Variants in PRKCA observed in about 807,000 individuals in gnomAD.
The protein encoded by PRKCA is protein kinase C alpha type.
Under a neutral mutation model 87.0 loss-of-function variants are expected in PRKCA, and 27 were observed. That is an observed-to-expected ratio of 0.31 (90% CI 0.23 to 0.43). PRKCA has a LOEUF of 0.43. Among genes scored for constraint, PRKCA ranks in the 20% least tolerant of loss-of-function variants. The probability of loss-of-function intolerance (pLI) is 1.00; values close to 1 mark genes in which losing one functional copy is unlikely to be tolerated. For missense variants in PRKCA, 518 were observed against 852.3 expected (o/e 0.61, Z 4.88); for synonymous variants, 329 against 311.1 (o/e 1.06, Z -0.61).
intron 3 of PRKCA, among the ~76,000 whole-genome samples, chr17:66,503,048 T>G (rs1258592175): frequency 1.3e-5 from 2 of 152,224 alleles, no homozygotes; most frequent in Non-Finnish European, 2.9e-5. Context: ...AGCAACTGTT[T>G]ACACATAATC....
At chr17:66,693,454 C>T (rs1972832841) in intron 8 of PRKCA, among the ~76,000 whole-genome samples, 2 of 152,202 alleles carry the variant, frequency 1.3e-5, no homozygotes, top group Non-Finnish European at 2.9e-5. Context: ...TTGGAGCTTA[C>T]GTTCTGTATC....
At chr17:66,632,559 A>G (rs960941763) in intron 3 of PRKCA, among the ~76,000 whole-genome samples, 1 of 151,266 alleles carries the variant, frequency 6.6e-6, no homozygotes, top group Admixed American at 6.6e-5. Context: ...TTTTTTTTTT[A>G]AGTAGAGATG....
At chr17:66,443,290 T>C (rs1331186657) in intron 2 of PRKCA, among the ~76,000 whole-genome samples, 2 of 152,182 alleles carry the variant, frequency 1.3e-5, no homozygotes, top group Admixed American at 6.5e-5. Context: ...GCATTCTAAC[T>C]GGAGGCTAGA....
At chr17:66,490,574 G>A (rs933514080) in intron 2 of PRKCA, among the ~76,000 whole-genome samples, 5 of 151,434 alleles carry the variant, frequency 3.3e-5, no homozygotes, top group Non-Finnish European at 7.4e-5. Context: ...TCGATCTCCT[G>A]TTTTCTTTTT....
chr17:66,551,593 C>T (rs1360317866), intron 3 of PRKCA, among the ~76,000 whole-genome samples: 2 of 152,126 alleles, frequency 1.3e-5, no homozygotes, highest in Non-Finnish European at 2.9e-5. Context: ...ATCACTTTTG[C>T]TATATTCCAT....
At chr17:66,477,041 T>C (rs556102169) in intron 2 of PRKCA, among the ~76,000 whole-genome samples, 2 of 152,190 alleles carry the variant, frequency 1.3e-5, no homozygotes, top group South Asian at 2.1e-4. Context: ...AGCTGGAGAA[T>C]AGGGGTGTGC....
At chr17:66,582,114 T>C (rs1969459529) in intron 3 of PRKCA, among the ~76,000 whole-genome samples, 1 of 152,214 alleles carries the variant, frequency 6.6e-6, no homozygotes, top group Non-Finnish European at 1.5e-5. Context: ...TGACATCCTC[T>C]CTACTGAGGT....
chr17:66,324,271 T>C (rs1905845920), intron 2 of PRKCA, among the ~76,000 whole-genome samples: 1 of 151,956 alleles, frequency 6.6e-6, no homozygotes, highest in South Asian at 2.1e-4. Context: ...ACTAGATAAA[T>C]ATGACTTAGA....
intron 2 of PRKCA, among the ~76,000 whole-genome samples, chr17:66,409,398 T>C (rs1911641397): frequency 1.3e-5 from 2 of 152,168 alleles, no homozygotes; most frequent in African/African-American, 2.4e-5. Context: ...TCTGTTCCAT[T>C]GATGAATTAG....
chr17:66,306,884 T>A (rs1448566247), intron 2 of PRKCA, among the ~76,000 whole-genome samples: 1 of 152,204 alleles, frequency 6.6e-6, no homozygotes, highest in Admixed American at 6.5e-5. Flanking sequence ...CTGGCTCTCC[T>A]GCTCATTGTC....
intron 1 of PRKCA, among the ~76,000 whole-genome samples, chr17:66,304,532 G>T (rs1285408750): frequency 6.6e-6 from 1 of 152,160 alleles, no homozygotes; most frequent in Non-Finnish European, 1.5e-5. Context: ...GGCAGTCACG[G>T]AGTGAATCCT....
chr17:66,714,617 G>GGCA (rs1181861455), intron 8 of PRKCA, among the ~76,000 whole-genome samples: 1 of 152,202 alleles, frequency 6.6e-6, no homozygotes, highest in Admixed American at 6.5e-5. Context: ...TACTCAGAAT[G>GGCA]GCAGCAGCCA....
intron 3 of PRKCA, among the ~76,000 whole-genome samples, chr17:66,635,909 T>A (rs543512340): frequency 6.6e-6 from 1 of 152,290 alleles, no homozygotes; most frequent in East Asian, 1.9e-4. Flanking sequence ...CAGTCTGTAC[T>A]ATTTTTGCAA....
At chr17:66,533,555 A>G (rs527568174) in intron 3 of PRKCA, among the ~76,000 whole-genome samples, 1 of 152,310 alleles carries the variant, frequency 6.6e-6, no homozygotes, top group Admixed American at 6.5e-5. Flanking sequence ...CAAATGAGAA[A>G]CGTGGTAGGG....
At chr17:66,533,623 CTAAGGCTT>C (rs1209055618) in intron 3 of PRKCA, among the ~76,000 whole-genome samples, 1 of 152,204 alleles carries the variant, frequency 6.6e-6, no homozygotes, top group Non-Finnish European at 1.5e-5. Context: ...TTTTTCCCAT[CTAAGGCTT>C]TAATTTGATA....
At chr17:66,660,719 C>A (rs996853723) in intron 5 of PRKCA, among the ~76,000 whole-genome samples, 1 of 151,954 alleles carries the variant, frequency 6.6e-6, no homozygotes, top group Non-Finnish European at 1.5e-5. Context: ...GAAAACCTGT[C>A]TCTACTAAAA....
chr17:66,407,488 C>T lies in PRKCA; in HGVS notation c.206-88713C>T, dbSNP rs151216643. Among the ~76,000 whole-genome samples, 747 of 152,238 alleles carry T rather than the reference C, an allele frequency of 4.9e-3. 4 individuals carry two copies. The highest frequency in any genetic ancestry group is 0.017 in the African/African-American group (713 of 41,518). Reference sequence around the variant, plus strand: ...GAAGCCACTGTGCTTCCTGGACAGCCTGCAGTACCGTGAGCCAGTTAAACC... The same window carrying T: ...GAAGCCACTGTGCTTCCTGGACAGCTTGCAGTACCGTGAGCCAGTTAAACC... On this transcript the variant is annotated intron_variant, in intron 2 of 16. Transcript: ENST00000413366.
At chr17:66,668,416 GTGTAATTACCAAGCACTGTGAAT>G (rs1972094549) in intron 5 of PRKCA, among the ~76,000 whole-genome samples, 1 of 152,192 alleles carries the variant, frequency 6.6e-6, no homozygotes, top group African/African-American at 2.4e-5. Context: ...GATTCAAGAT[GTGTAATTACCAAGCACTGTGAAT>G]TGGAATTACC....
intron 2 of PRKCA, among the ~76,000 whole-genome samples, chr17:66,311,727 T>C (rs1377634021): frequency 6.6e-6 from 1 of 152,194 alleles, no homozygotes; most frequent in Non-Finnish European, 1.5e-5. Flanking sequence ...ATAAAACTAG[T>C]GTTGAGTGTT....
Sources: allele counts gnomAD v4.1 joint callset (sites outside exome capture counted in the v4.1 genomes callset), GRCh38; gene constraint gnomAD v4.1.1; transcripts MANE v1.5; gene names NCBI Gene and HGNC (gene_info 2026-07-23, HGNC 2026-07-21).